The following RSRC1 variants were observed in gnomAD, a reference collection of about 807,000 sequenced individuals.
RSRC1 encodes serine/Arginine-related protein 53.
A neutral mutation model predicts 49.1 loss-of-function variants in RSRC1; 39 were observed. The observed-to-expected ratio is 0.79, with a 90% CI of 0.61 to 1.04. The LOEUF is 1.04. Among genes scored for constraint, RSRC1 ranks in the 50% least tolerant of loss-of-function variants. RSRC1 has a pLI of 0.00. For missense variants in RSRC1, 388 were observed against 402.4 expected (o/e 0.96, Z 0.31); for synonymous variants, 143 against 130.8 (o/e 1.09, Z -0.63).
intron 5 of RSRC1, among the ~76,000 whole-genome samples, chr3:158,343,334 A>C (rs1730360151): frequency 6.6e-6 from 1 of 152,202 alleles, no homozygotes; most frequent in South Asian, 2.1e-4. Flanking sequence ...TCCTAGAACA[A>C]AATTCCAAGT....
At position 158,539,336 on chromosome 3, in the gene RSRC1, T is replaced by C. The variant is rs1712901427; in HGVS notation, c.759+2138T>C. Among the ~76,000 whole-genome samples, 1 of 152,124 alleles carries C rather than the reference T, an allele frequency of 6.6e-6. No homozygotes were observed. The highest frequency in any genetic ancestry group is 1.5e-5 in the Non-Finnish European group (1 of 67,964). ...ATTACCAGTGACATGCTAGACATTG[T>C]GTCTCCTGCAACACATATTGATTTA... On this transcript the variant is annotated intron_variant, in intron 8 of 9. Coordinates refer to ENST00000611884, the MANE Select transcript of RSRC1 (RefSeq NM_001271838.2). The surrounding 1 kb of genome is among the most constrained non-coding windows in gnomAD (Gnocchi z 4.1).
chr3:158,487,507 G>A (rs1166719768), intron 7 of RSRC1, among the ~76,000 whole-genome samples: 1 of 152,080 alleles, frequency 6.6e-6, no homozygotes, highest in Non-Finnish European at 1.5e-5. Context: ...TGATGAACTT[G>A]GTTGTTATTC....
At chr3:158,111,273 T>C (rs1421160681) in intron 1 of RSRC1, among the ~76,000 whole-genome samples, 1 of 152,200 alleles carries the variant, frequency 6.6e-6, no homozygotes, top group Non-Finnish European at 1.5e-5. Flanking sequence ...CAGGCAAAGA[T>C]TTCATGCTAA....
In RSRC1 at chr3:158,438,366, T is replaced by A. The variant is rs1249846127; in HGVS notation, c.584-22569T>A. Among the ~76,000 whole-genome samples the A allele has an allele frequency of 3.3e-5, 5 of 151,950 alleles. No individual in the cohort carries two copies. The South Asian group carries it at 8.3e-4, about 25-fold the overall frequency. Reference sequence around the variant, plus strand: ...AAAGGAAACCACATAGCCAAGACAATCCTAAGCAAAAAGAACAAAGCTGGA... The same window carrying A: ...AAAGGAAACCACATAGCCAAGACAAACCTAAGCAAAAAGAACAAAGCTGGA... On this transcript the variant is annotated intron_variant, in intron 6 of 9. Transcript: ENST00000611884.
chr3:158,543,945 T>C (rs1365955410), intron 9 of RSRC1, among the ~76,000 whole-genome samples: 3 of 152,162 alleles, frequency 2.0e-5, no homozygotes, highest in Non-Finnish European at 4.4e-5. Context: ...ACTTCACAAA[T>C]ATAAGGTACA....
intron 6 of RSRC1, among the ~76,000 whole-genome samples, chr3:158,383,392 G>T (rs766958042): frequency 6.6e-6 from 1 of 152,116 alleles, no homozygotes; most frequent in Non-Finnish European, 1.5e-5. Flanking sequence ...ACTGGTATCT[G>T]CAGGGAGTCT....
At chr3:158,526,986 C>T (rs1399897087) in intron 7 of RSRC1, among the ~76,000 whole-genome samples, 2 of 149,352 alleles carry the variant, frequency 1.3e-5, no homozygotes, top group South Asian at 4.3e-4. Flanking sequence ...AAGATGAAAA[C>T]TAGTAAAGAA....
intron 4 of RSRC1, among the ~76,000 whole-genome samples, chr3:158,238,247 G>A (rs1578229759): frequency 6.6e-6 from 1 of 152,286 alleles, no homozygotes; most frequent in Non-Finnish European, 1.5e-5. Flanking sequence ...AACATTCCAT[G>A]CTCATGGATA....
chr3:158,484,058 T>C (rs185814035), intron 7 of RSRC1, among the ~76,000 whole-genome samples: 69 of 152,268 alleles, frequency 4.5e-4, no homozygotes, highest in African/African-American at 1.6e-3. Flanking sequence ...TACTGGTTTA[T>C]TGATTTTTCA....
chr3:158,329,561 G>A (rs1258383169), intron 5 of RSRC1, among the ~76,000 whole-genome samples: 1 of 152,218 alleles, frequency 6.6e-6, no homozygotes, highest in Non-Finnish European at 1.5e-5. Context: ...GAATATTGCT[G>A]AACAGCAAAT....
rs1220649419 is a variant in RSRC1 at position 158,207,668 on chromosome 3, G to GAT, written c.494+4424_494+4425insTA. ...AGATAGATAGATAGATAGATAGACA[G>GAT]AGAGACAGACAGACAGACAGGACAC... is the stretch of plus-strand genomic sequence containing the variant. On this transcript the variant is annotated intron_variant, in intron 4 of 9. Transcript: ENST00000611884. Among the ~76,000 whole-genome samples, 1,459 of 152,082 alleles carry GAT rather than the reference G, an allele frequency of 9.6e-3. 20 individuals carry two copies. Among genetic ancestry groups the GAT allele is most frequent in the African/African-American group, 0.032 (1,338 of 41,442 alleles).
intron 7 of RSRC1, among the ~76,000 whole-genome samples, chr3:158,522,797 A>G (rs991215821): frequency 6.6e-6 from 1 of 152,032 alleles, no homozygotes; most frequent in Non-Finnish European, 1.5e-5. Flanking sequence ...TGCTCACCCT[A>G]AGTTCTTTAA....
chr3:158,224,992 A>T (rs16828800), intron 4 of RSRC1, among the ~76,000 whole-genome samples: 9 of 151,854 alleles, frequency 5.9e-5, no homozygotes, highest in Admixed American at 4.6e-4. Context: ...GGTATATTCA[A>T]ATCTCTTTCA....
At chr3:158,293,944 C>T (rs1727088570) in intron 4 of RSRC1, among the ~76,000 whole-genome samples, 1 of 151,890 alleles carries the variant, frequency 6.6e-6, no homozygotes, top group Non-Finnish European at 1.5e-5. Context: ...ATTCCGGAAG[C>T]TTTTTGACTT....
At chr3:158,245,897 C>T (rs1290943015) in intron 4 of RSRC1, among the ~76,000 whole-genome samples, 5 of 152,002 alleles carry the variant, frequency 3.3e-5, no homozygotes, top group African/African-American at 1.2e-4. Flanking sequence ...TGCTGTTTTC[C>T]ATTTGCTTGG....
chr3:158,491,465 G>T (rs1042809177), intron 7 of RSRC1, among the ~76,000 whole-genome samples: 2 of 152,050 alleles, frequency 1.3e-5, no homozygotes, highest in African/African-American at 2.4e-5. Flanking sequence ...GTTTGGTTTG[G>T]TTTTTTTGGT....
chr3:158,253,321 C>A (rs576806795), intron 4 of RSRC1, among the ~76,000 whole-genome samples: 1 of 152,058 alleles, frequency 6.6e-6, no homozygotes, highest in South Asian at 2.1e-4. Flanking sequence ...TTAATTTCTT[C>A]ATCGAGCCAC....
intron 6 of RSRC1, 187 bp downstream of exon 6, chr3:158,355,095 T>C: frequency 4.7e-6 from 2 of 422,804 alleles, no homozygotes; most frequent in Non-Finnish European, 8.4e-6. Context: ...TAATGCTAAG[T>C]GTATTGCTAA....
At chr3:158,290,565 A>G (rs1388471931) in intron 4 of RSRC1, among the ~76,000 whole-genome samples, 5 of 152,064 alleles carry the variant, frequency 3.3e-5, no homozygotes, top group African/African-American at 2.4e-5. Context: ...GTCAGCCACC[A>G]CGCCTGGCAG....
Sources: gnomAD v4.1 joint callset for allele counts (sites outside exome capture counted in the v4.1 genomes callset) on GRCh38, gnomAD v4.1.1 for gene constraint, Gnocchi (gnomAD v3.1) non-coding constraint, MANE v1.5 for transcripts, NCBI Gene and HGNC (gene_info 2026-07-23, HGNC 2026-07-21) for gene names.